The following USP50 variants were observed in gnomAD, a reference collection of about 807,000 sequenced individuals.
The protein encoded by USP50 is ubiquitin specific peptidase 50, also known as ubiquitin carboxyl-terminal hydrolase 50.
Under a neutral mutation model 39.2 loss-of-function variants are expected in USP50, and 37 were observed. That is an observed-to-expected ratio of 0.94 (90% confidence interval 0.73 to 1.24). USP50 has a LOEUF of 1.24. USP50 is among the 50% of genes most tolerant of loss of function. The pLI is 0.00. For synonymous variants in USP50, 139 were observed against 144.5 expected, an observed-to-expected ratio of 0.96 and a Z score of 0.27; for missense variants, 374 against 398.2, an observed-to-expected ratio of 0.94 and a Z score of 0.52.
At chr15:50,498,864 T>C, downstream of USP50, 1 of 1,564,814 alleles carries the variant, frequency 6.4e-7, no homozygotes, top group Non-Finnish European at 8.6e-7. Flanking sequence ...ATAACAATTT[T>C]AACTGAATTG....
intron 1 of USP50, among the ~76,000 whole-genome samples, chr15:50,495,069 T>A (rs2052324320): frequency 6.6e-6 from 1 of 150,558 alleles, no homozygotes; most frequent in Non-Finnish European, 1.5e-5. Context: ...CTCATGTGAC[T>A]AGTTATTATA....
chr15:50,532,219 C>T (rs1229486994), intron 5 of USP50: 1 of 456,266 alleles, frequency 2.2e-6, no homozygotes, highest in East Asian at 6.9e-5. Context: ...GACAAATCTC[C>T]TCATGCTTCT....
At chr15:50,532,011 C>T in intron 5 of USP50, 7 of 412,396 alleles carry the variant, frequency 1.7e-5, no homozygotes, top group South Asian at 1.0e-4. Flanking sequence ...CACAGACTTA[C>T]CAGAGCCAAA....
chr15:50,494,790 G>A (rs942150223), intron 1 of USP50, among the ~76,000 whole-genome samples: 4 of 152,176 alleles, frequency 2.6e-5, no homozygotes, highest in African/African-American at 9.7e-5. Context: ...CAAGGCTGGT[G>A]GATCACCTGA....
chr15:50,508,714 T>G (rs1383669591), intron 6 of USP50: 1 of 152,178 alleles, frequency 6.6e-6, no homozygotes, highest in African/African-American at 2.4e-5. Flanking sequence ...AATTTGGATG[T>G]TAGCCTGCCA....
downstream of USP50, chr15:50,495,813 A>G (rs745900760): frequency 9.4e-6 from 14 of 1,495,730 alleles, no homozygotes; most frequent in East Asian, 2.3e-5. Flanking sequence ...TTTCTTTGAG[A>G]TATTAATATA....
intron 1 of USP50, among the ~76,000 whole-genome samples, chr15:50,495,030 A>AG (rs2052322018): frequency 5.3e-5 from 8 of 151,972 alleles, no homozygotes; most frequent in Admixed American, 4.6e-4. Flanking sequence ...AAAAAAAAAA[A>AG]AAAAAAATTA....
downstream of USP50, chr15:50,498,383 G>A (rs1359028985): frequency 1.1e-5 from 6 of 536,570 alleles, no homozygotes; most frequent in African/African-American, 3.9e-5. Flanking sequence ...TTGACCTTAG[G>A]CACATCATTA....
At chr15:50,540,709 C>T (rs568263176) in intron 4 of USP50, among the ~76,000 whole-genome samples, 4 of 152,076 alleles carry the variant, frequency 2.6e-5, no homozygotes, top group Non-Finnish European at 4.4e-5. Flanking sequence ...CAACAACCTC[C>T]GCCTCCCAGG....
rs183677303 is a variant in USP50 at position 50,523,401 on chromosome 15, G to A, written c.936+6396C>T. Among the ~76,000 whole-genome samples the A allele has an allele frequency of 4.2e-3, 629 of 151,108 alleles. 5 individuals are homozygous for A. Among genetic ancestry groups the A allele is most frequent in the African/African-American group, 0.014 (579 of 41,126 alleles). ...TTGTCCGGGCTGGTCTTGAACTCCC[G>A]GACTCAAGCAATCCTCCCACCTCTG... On this transcript the variant is annotated intron_variant, in intron 6 of 6. Coordinates refer to ENST00000532404, the MANE Select transcript of USP50 (RefSeq NM_203494.5).
chr15:50,494,387 T>C (rs2052292356), intron 1 of USP50: 2 of 888,266 alleles, frequency 2.3e-6, no homozygotes, highest in Admixed American at 6.1e-5. Context: ...TCAGTGCTTG[T>C]TTATTCAAAT....
downstream of USP50, chr15:50,493,158 C>T (rs1253163004): frequency 1.4e-5 from 8 of 581,440 alleles, no homozygotes; most frequent in South Asian, 7.6e-5. Context: ...AGGACAGACT[C>T]GTCCTGTCGA....
At chr15:50,508,778 G>A (rs1369927455) in intron 6 of USP50, 2 of 151,888 alleles carry the variant, frequency 1.3e-5, no homozygotes, top group African/African-American at 4.8e-5. Context: ...CAGATGGATC[G>A]CCTGAGTCCA....
chr15:50,520,476 T>G (rs2052840197), intron 6 of USP50, among the ~76,000 whole-genome samples: 1 of 151,924 alleles, frequency 6.6e-6, no homozygotes, highest in African/African-American at 2.4e-5. Flanking sequence ...TAATGTTTAT[T>G]TTTTGTAGAG....
chr15:50,493,983 T>C, downstream of USP50: 1 of 1,432,788 alleles, frequency 7.0e-7, no homozygotes, highest in Non-Finnish European at 9.8e-7. Context: ...ATGTGAATAA[T>C]TTCATGTTGA....
chr15:50,497,186 T>C, downstream of USP50: 2 of 1,611,282 alleles, frequency 1.2e-6, no homozygotes, highest in Non-Finnish European at 1.7e-6. Context: ...CTAAAAAAGA[T>C]AGAAATCTGG....
chr15:50,546,181 ATACATACTTTTAAG>A (rs1402046065), intron 1 of USP50, among the ~76,000 whole-genome samples: 3 of 152,032 alleles, frequency 2.0e-5, no homozygotes, highest in Non-Finnish European at 2.9e-5. Flanking sequence ...ACCTTACCTC[ATACATACTTTTAAG>A]TACAGTTATG....
At chr15:50,521,203 G>C (rs1418164576) in intron 6 of USP50, among the ~76,000 whole-genome samples, 1 of 151,978 alleles carries the variant, frequency 6.6e-6, no homozygotes, top group Non-Finnish European at 1.5e-5. Context: ...CACCAAGCTT[G>C]GCAAATTTTT....
At chr15:50,531,590 T>C (rs2141372241) in intron 5 of USP50, among the ~76,000 whole-genome samples, 1 of 152,162 alleles carries the variant, frequency 6.6e-6, no homozygotes, top group Non-Finnish European at 1.5e-5. Flanking sequence ...ATGGAAATGG[T>C]TTATATGTTG....
Sources: allele counts gnomAD v4.1 joint callset (sites outside exome capture counted in the v4.1 genomes callset), GRCh38; gene constraint gnomAD v4.1.1; transcripts MANE v1.5; gene names NCBI Gene and HGNC (gene_info 2026-07-23, HGNC 2026-07-21).